The following MAN1B1 variants were observed in gnomAD, a reference collection of about 807,000 sequenced individuals.
MAN1B1 encodes mannosidase alpha class 1B member 1.
Under a neutral mutation model 75.5 loss-of-function variants are expected in MAN1B1, and 66 were observed. That is an observed-to-expected ratio of 0.87 (90% confidence interval 0.72 to 1.07). The LOEUF (loss-of-function observed/expected upper bound fraction) is 1.07. Among genes scored for constraint, MAN1B1 ranks in the 50% least tolerant of loss-of-function variants. The probability of loss-of-function intolerance (pLI) is 0.00; values close to 1 mark genes in which losing one functional copy is unlikely to be tolerated. For synonymous variants in MAN1B1, 453 were observed against 382.8 expected (o/e 1.18, Z -2.14); for missense variants, 973 against 912.5 (o/e 1.07, Z -0.85).
chr9:137,096,796 G>A (rs1204690443), intron 4 of MAN1B1, among the ~76,000 whole-genome samples: 32 of 152,224 alleles, frequency 2.1e-4, no homozygotes, highest in Admixed American at 2.1e-3. Context: ...TCCTCTGCCC[G>A]GTTCGTCAAG....
At position 137,087,113 on chromosome 9, in the gene MAN1B1, CCCA is replaced by C. The variant is rs1010885457; in HGVS notation, c.117_119del (p.Pro45del). On this transcript the variant is annotated inframe_deletion, in exon 1 of 13. Coordinates refer to ENST00000371589, the MANE Select transcript of MAN1B1 (RefSeq NM_016219.5). ...CCGTCGCCACCACTGTAGTCATGTACCCACCGCCGCCGCCGCCGCCTCATCGGG... is the reference window on the plus strand; with the variant it reads ...CCGTCGCCACCACTGTAGTCATGTACCCGCCGCCGCCGCCGCCTCATCGGG... 10 of 1,592,900 alleles carry C rather than the reference CCCA, an allele frequency of 6.3e-6. No homozygotes were observed. Among genetic ancestry groups the C allele is most frequent in the Non-Finnish European group, 6.8e-6 (8 of 1,171,416 alleles).
At chr9:137,100,901 T>G in intron 6 of MAN1B1, 104 bp from the exon 7 acceptor site, 1 of 1,327,110 alleles carries the variant, frequency 7.5e-7, no homozygotes. Flanking sequence ...ATTACAGGCA[T>G]GAGCCACCAC....
At chr9:137,093,129 G>C (rs1297068710) in intron 3 of MAN1B1, among the ~76,000 whole-genome samples, 1 of 152,214 alleles carries the variant, frequency 6.6e-6, no homozygotes, top group Non-Finnish European at 1.5e-5. Flanking sequence ...GCTCACACCT[G>C]TAGTCCCAGC....
intron 8 of MAN1B1, chr9:137,102,862 C>G (rs1454546107): frequency 7.3e-6 from 3 of 413,070 alleles, no homozygotes; most frequent in African/African-American, 5.6e-5. Flanking sequence ...GCGTGCAGGT[C>G]GGTGGTGTTA....
At chr9:137,098,577 T>C (rs1830722303) in intron 5 of MAN1B1, among the ~76,000 whole-genome samples, 1 of 152,130 alleles carries the variant, frequency 6.6e-6, no homozygotes. Context: ...GAGGGATGTG[T>C]AGCAATCTCT....
At position 137,087,019 on chromosome 9, in the gene MAN1B1, G is replaced by GTC. The variant is rs1830382274; in HGVS notation, c.20_21insTC (p.Arg7SerfsTer15). 2.5e-6 allele frequency: 4 copies of GTC among 1,600,408 alleles called. No homozygotes were observed. The highest frequency in any genetic ancestry group is 3.4e-6 in the Non-Finnish European group (4 of 1,175,398). On this transcript the variant is annotated frameshift_variant, in exon 1 of 13. Transcript: ENST00000371589. LOFTEE classifies it high-confidence loss of function. ...GCTGCGATGGCTGCCTGCGAGGGCA[G>GTC]GAGAAGCGGAGCTCTCGGTTCCTCT... is the stretch of plus-strand genomic sequence containing the variant.
Position 137,107,358 on chromosome 9 carries a change from A to C in MAN1B1, c.1675A>C (p.Met559Leu). ...GGAGCTCATGGAGACTTGTTACCAG[A>C]TGAACCGGCAGATGGAGACGGGGCT... ...AQELMETCYQ[M>L]NRQMETGLSP... The change falls in exon 11 of 13, where the codon ATG becomes CTG. Residue 559 changes from methionine (M) to leucine (L), a missense_variant. Met to Leu is a conservative substitution (Grantham distance 15). Transcript: ENST00000371589. The C allele has an allele frequency of 6.2e-7, 1 of 1,613,372 alleles. No homozygotes were observed. Among genetic ancestry groups the C allele is most frequent in the Non-Finnish European group, 8.5e-7 (1 of 1,179,992 alleles).
Position 137,099,718 on chromosome 9 carries a change from G to T in MAN1B1, c.753G>T (p.Lys251Asn), listed in dbSNP as rs1283047395. ...TAGTGCATCTGAACTATCGCCAGAAGGGCGTGATTGACGTCTTCCTGCATG... is the reference window on the plus strand; with the variant it reads ...TAGTGCATCTGAACTATCGCCAGAATGGCGTGATTGACGTCTTCCTGCATG... ...GTPVHLNYRQKGVIDVFLHAW... is the reference protein window; with the variant it reads ...GTPVHLNYRQNGVIDVFLHAW... Residue 251 changes from lysine to asparagine, a missense_variant, in exon 6 of 13, where the codon AAG (lysine) becomes AAT (asparagine). By Grantham distance (94) the Lys-to-Asn change is moderately conservative. Coordinates refer to ENST00000371589, the MANE Select transcript of MAN1B1 (RefSeq NM_016219.5). 1 of 1,614,206 alleles carries T rather than the reference G, an allele frequency of 6.2e-7. No homozygotes were observed.
At position 137,087,230 on chromosome 9, in the gene MAN1B1, G is replaced by T. The variant is rs544284763; in HGVS notation, c.219+12G>T. Reference sequence around the variant, plus strand: ...GCTCGTGCTGGAGGGTGAGGGTCGCGCCGGGCTGACTGGGGCCCGGGGCTG... The same window carrying T: ...GCTCGTGCTGGAGGGTGAGGGTCGCTCCGGGCTGACTGGGGCCCGGGGCTG... On this transcript the variant is annotated intron_variant, in intron 1 of 12. Coordinates refer to ENST00000371589, the MANE Select transcript of MAN1B1 (RefSeq NM_016219.5). 4 of 1,563,828 alleles carry T rather than the reference G, an allele frequency of 2.6e-6. No individual in the cohort carries two copies. The East Asian group carries it at 9.4e-5, about 37-fold the overall frequency.
Position 137,103,893 on chromosome 9 carries a change from G to A in MAN1B1, c.1254+2221G>A, listed in dbSNP as rs565836743. On this transcript the variant is annotated intron_variant, in intron 8 of 12. Coordinates refer to ENST00000371589, the MANE Select transcript of MAN1B1 (RefSeq NM_016219.5). The stretch of plus-strand genomic sequence containing the variant: ...GGTCAGTGGTGTTACACACATTCAT[G>A]CTGTTGCAGGCATGCAGGTCGGTAG... The A allele has an allele frequency of 1.1e-5, 5 of 445,038 alleles. No individual in the cohort carries two copies. In the East Asian group the frequency reaches 3.6e-4, roughly 32 times the overall value. 27.6% of individuals were successfully genotyped at this position (445,038 alleles called of 1,614,324 possible). A position where few individuals can be genotyped will look rare whatever the true frequency, so the allele number is the denominator to read the frequency against.
At chr9:137,088,214 A>G (rs1044924286) in intron 2 of MAN1B1, 31 bp downstream of exon 2, 7 of 1,613,918 alleles carry the variant, frequency 4.3e-6, no homozygotes, top group African/African-American at 1.3e-5. Context: ...TGAAAACGAT[A>G]TCTGTGTTGA....
chr9:137,097,653 C>A (rs142888957), intron 4 of MAN1B1, among the ~76,000 whole-genome samples, 175 bp from the exon 5 acceptor site: 1 of 152,188 alleles, frequency 6.6e-6, no homozygotes, highest in African/African-American at 2.4e-5. Context: ...CTCTCAGGCA[C>A]GGGAGCTCAG....
rs765798570 is a variant in MAN1B1 at position 137,107,380 on chromosome 9, G to A, written c.1697G>A (p.Gly566Glu). ...CYQMNRQMET[G>E]LSPEIVHFNL... ...CAGATGAACCGGCAGATGGAGACGG[G>A]GCTGAGTCCCGAGATCGTGCACTTC... The change falls in exon 11 of 13, where the codon GGG becomes GAG. Residue 566 changes from glycine (G) to glutamate (E), a missense_variant. Coordinates refer to ENST00000371589, the MANE Select transcript of MAN1B1 (RefSeq NM_016219.5). 1 of 1,613,414 alleles carries A rather than the reference G, an allele frequency of 6.2e-7. No individual in the cohort carries two copies. The highest frequency in any genetic ancestry group is 1.7e-5 in the Admixed American group (1 of 60,032).
chr9:137,097,480 A>T (rs1390034026), intron 4 of MAN1B1, among the ~76,000 whole-genome samples: 1 of 152,104 alleles, frequency 6.6e-6, no homozygotes, highest in African/African-American at 2.4e-5. Flanking sequence ...TCTTGGGGCC[A>T]CCTCACTGTC....
At position 137,088,119 on chromosome 9, in the gene MAN1B1, C is replaced by T. The variant is rs1564273205; in HGVS notation, c.264C>T (p.Phe88=). The change falls in exon 2 of 13, where the codon TTC becomes TTT. Residue 88 remains phenylalanine, a synonymous_variant. Coordinates refer to ENST00000371589, the MANE Select transcript of MAN1B1 (RefSeq NM_016219.5). The part of the protein sequence containing the change: ...LSRLQRNMIL[F]LLAFLLFCGL... ...GATTGCAGCGGAATATGATTCTCTT[C>T]CTCCTTGCCTTTCTGCTTTTCTGTG... 6.2e-7 allele frequency: 1 copy of T among 1,614,228 alleles called. No homozygotes were observed. The highest frequency in any genetic ancestry group is 1.1e-5 in the South Asian group (1 of 91,090).
At chr9:137,097,790 G>A (rs758860230) in intron 4 of MAN1B1, 38 bp from the exon 5 acceptor site, 3 of 1,460,526 alleles carry the variant, frequency 2.1e-6, no homozygotes, top group Non-Finnish European at 2.8e-6. Flanking sequence ...AGCCACAAAT[G>A]TTTGACGGCA....
At chr9:137,092,316 C>T (rs900393028) in intron 3 of MAN1B1, among the ~76,000 whole-genome samples, 8 of 151,934 alleles carry the variant, frequency 5.3e-5, no homozygotes, top group Admixed American at 5.2e-4. Flanking sequence ...TATGATCCAG[C>T]CTGGATGACA....
chr9:137,100,701 C>G (rs1391206486), intron 6 of MAN1B1, among the ~76,000 whole-genome samples: 1 of 152,116 alleles, frequency 6.6e-6, no homozygotes, highest in African/African-American at 2.4e-5. Context: ...TTCACTGCAG[C>G]CTTCGCCTCC....
chr9:137,107,814 A>C, intron 12 of MAN1B1, 152 bp downstream of exon 12: 1 of 1,020,894 alleles, frequency 9.8e-7, no homozygotes, highest in Non-Finnish European at 1.5e-6. Flanking sequence ...GCCACACTGC[A>C]GCTTGGGGGC....
Sources: gnomAD v4.1 joint callset for allele counts (sites outside exome capture counted in the v4.1 genomes callset) on GRCh38, gnomAD v4.1.1 for gene constraint, MANE v1.5 for transcripts, NCBI Gene and HGNC (gene_info 2026-07-23, HGNC 2026-07-21) for gene names.